The following PEAK1 variants were observed in gnomAD, a reference collection of about 807,000 sequenced individuals.
The protein encoded by PEAK1 is inactive tyrosine-protein kinase PEAK1.
PEAK1 carries 54 observed loss-of-function variants against 124.7 expected under a neutral mutation model. The ratio of observed to expected loss-of-function variants is 0.43; its 90% CI spans 0.35 to 0.54. The LOEUF is 0.54. PEAK1 is among the 20% of genes least tolerant of loss of function. The pLI is 0.01. For synonymous variants in PEAK1, 719 were observed against 760.0 expected (o/e 0.95, Z 0.89); for missense variants, 2,046 against 2,134.5 (o/e 0.96, Z 0.82).
chr15:77,327,649 CATT>C (rs1315336780), intron 2 of PEAK1, among the ~76,000 whole-genome samples: 1 of 151,886 alleles, frequency 6.6e-6, no homozygotes, highest in Non-Finnish European at 1.5e-5. Context: ...AGTTATAGAT[CATT>C]GTTGTTGTTG....
intron 9 of PEAK1, among the ~76,000 whole-genome samples, chr15:77,123,614 G>A (rs140822111): frequency 1.3e-5 from 2 of 152,246 alleles, no homozygotes; most frequent in Admixed American, 1.3e-4. Context: ...CTACTATGAG[G>A]ATATGAGGGA....
At chr15:77,291,147 G>C (rs1243564644) in intron 2 of PEAK1, among the ~76,000 whole-genome samples, 1 of 152,144 alleles carries the variant, frequency 6.6e-6, no homozygotes, top group African/African-American at 2.4e-5. Flanking sequence ...TTTCAGATTT[G>C]CAGACAGTAA....
At chr15:77,367,438 T>C (rs2068328959) in intron 1 of PEAK1, among the ~76,000 whole-genome samples, 2 of 152,352 alleles carry the variant, frequency 1.3e-5, no homozygotes, top group South Asian at 4.1e-4. Flanking sequence ...TAAAATGTTC[T>C]ATATCTTGAT....
intron 9 of PEAK1, among the ~76,000 whole-genome samples, chr15:77,116,074 G>A (rs1416881132): frequency 1.3e-5 from 2 of 152,132 alleles, no homozygotes; most frequent in Non-Finnish European, 2.9e-5. Flanking sequence ...TTTACTAAGT[G>A]GTTATGGATC....
chr15:77,301,064 G>A (rs2063760319), intron 2 of PEAK1, among the ~76,000 whole-genome samples: 1 of 152,064 alleles, frequency 6.6e-6, no homozygotes, highest in South Asian at 2.1e-4. Flanking sequence ...TGTTGTCCAG[G>A]CTGGTCTTGA....
chr15:77,167,908 C>T (rs2056224253), intron 7 of PEAK1, among the ~76,000 whole-genome samples: 1 of 152,048 alleles, frequency 6.6e-6, no homozygotes, highest in Non-Finnish European at 1.5e-5. Flanking sequence ...CCACGACAGG[C>T]CCCGGTGTGT....
intron 9 of PEAK1, among the ~76,000 whole-genome samples, chr15:77,116,347 A>G (rs1290658640): frequency 3.3e-5 from 5 of 152,206 alleles, no homozygotes; most frequent in Non-Finnish European, 5.9e-5. Flanking sequence ...GCAGAGGCAC[A>G]CTGCCACATT....
intron 2 of PEAK1, among the ~76,000 whole-genome samples, chr15:77,318,580 G>C (rs182583738): frequency 9.2e-5 from 14 of 152,140 alleles, no homozygotes; most frequent in African/African-American, 3.4e-4. Flanking sequence ...TATGTGAACA[G>C]AGAGAATGAT....
chr15:77,226,726 C>G (rs901751573), intron 6 of PEAK1, among the ~76,000 whole-genome samples: 1 of 152,078 alleles, frequency 6.6e-6, no homozygotes, highest in African/African-American at 2.4e-5. Context: ...AAGATGAAAA[C>G]TGAGGATAAT....
Position 77,393,023 on chromosome 15 carries a change from C to T in PEAK1, c.-666+26983G>A, listed in dbSNP as rs74411533. Among the ~76,000 whole-genome samples, 1,293 of 152,232 alleles carry T rather than the reference C, an allele frequency of 8.5e-3. 20 individuals are homozygous for T. Among genetic ancestry groups the T allele is most frequent in the African/African-American group, 0.03 (1,234 of 41,522 alleles). ...GGACCTCAGTGCTGCCCTGTCACAG[C>T]GGAAAGCAAGACCAGGCAGAACTCA... On this transcript the variant is annotated intron_variant, in intron 1 of 9. Transcript: ENST00000682557.
chr15:77,397,798 G>A (rs2071018626), intron 1 of PEAK1, among the ~76,000 whole-genome samples: 1 of 152,120 alleles, frequency 6.6e-6, no homozygotes, highest in Admixed American at 6.6e-5. Context: ...AGTGGCTCAT[G>A]CCTGTAATCC....
chr15:77,226,075 A>AT lies in PEAK1; in HGVS notation c.-115+26291dup, dbSNP rs1176001029. Among the ~76,000 whole-genome samples the AT allele has an allele frequency of 4.2e-4, 57 of 137,254 alleles. 1 individual carries two copies. Among genetic ancestry groups the AT allele is most frequent in the Admixed American group, 3.1e-3 (42 of 13,766 alleles). 90.0% of individuals were successfully genotyped at this position (137,254 alleles called of 152,430 possible). ...TATATATATATATATATATATATAT[A>AT]TATATATATATATTACACACACATA... On this transcript the variant is annotated intron_variant, in intron 6 of 9. Coordinates refer to ENST00000682557, the MANE Select transcript of PEAK1 (RefSeq NM_001385026.1).
intron 2 of PEAK1, among the ~76,000 whole-genome samples, chr15:77,307,723 T>A (rs2064183703): frequency 6.6e-6 from 1 of 152,068 alleles, no homozygotes; most frequent in African/African-American, 2.4e-5. Flanking sequence ...TTATGCATTT[T>A]AGCTTTTGCA....
At chr15:77,371,641 A>G (rs2068649120) in intron 1 of PEAK1, among the ~76,000 whole-genome samples, 1 of 152,226 alleles carries the variant, frequency 6.6e-6, no homozygotes, top group Admixed American at 6.5e-5. Context: ...CAATCCTAGC[A>G]CTTTGGGAGG....
At chr15:77,188,923 C>T (rs996675710) in intron 6 of PEAK1, among the ~76,000 whole-genome samples, 2 of 152,224 alleles carry the variant, frequency 1.3e-5, no homozygotes, top group Non-Finnish European at 2.9e-5. Flanking sequence ...CGGCCAGGTG[C>T]GGTGGCTCAA....
intron 9 of PEAK1, among the ~76,000 whole-genome samples, chr15:77,117,940 A>C (rs1189214603): frequency 1.3e-5 from 2 of 152,252 alleles, no homozygotes; most frequent in Non-Finnish European, 2.9e-5. Context: ...GTGAGTAGAC[A>C]AGAATGTGGA....
chr15:77,182,682 G>A (rs2057338943), intron 6 of PEAK1, among the ~76,000 whole-genome samples: 1 of 148,872 alleles, frequency 6.7e-6, no homozygotes, highest in Non-Finnish European at 1.5e-5. Flanking sequence ...AGCCTGGGAG[G>A]TGGAGGTTGC....
At chr15:77,335,457 T>C (rs1472820390) in intron 2 of PEAK1, 2 of 985,402 alleles carry the variant, frequency 2.0e-6, no homozygotes, top group Non-Finnish European at 2.4e-6. Flanking sequence ...GTCTGTATTC[T>C]TATCACTATA....
At chr15:77,212,582 A>G (rs1264131083) in intron 6 of PEAK1, among the ~76,000 whole-genome samples, 3 of 152,212 alleles carry the variant, frequency 2.0e-5, no homozygotes, top group Admixed American at 2.0e-4. Flanking sequence ...CCGGAGACTC[A>G]TAACAGAATT....
Sources: gnomAD v4.1 joint callset for allele counts (sites outside exome capture counted in the v4.1 genomes callset) on GRCh38, gnomAD v4.1.1 for gene constraint, MANE v1.5 for transcripts, NCBI Gene and HGNC (gene_info 2026-07-23, HGNC 2026-07-21) for gene names.